AHCY: variants seen among roughly 807,000 people sequenced by gnomAD.
The protein encoded by AHCY is S-adenosyl-L-homocysteine hydrolase.
In AHCY, 24 loss-of-function variants were observed where a neutral mutation model predicts 45.4. The observed-to-expected ratio is 0.53, with a 90% CI of 0.38 to 0.74. AHCY has a LOEUF of 0.74. AHCY is among the 30% of genes least tolerant of loss of function. The pLI, the probability that AHCY is intolerant of heterozygous loss-of-function variation, is 0.00. For synonymous variants in AHCY, 245 were observed against 235.1 expected (o/e 1.04, Z -0.39); for missense variants, 449 against 594.1 (o/e 0.76, Z 2.54).
intron 8 of AHCY, among the ~76,000 whole-genome samples, chr20:34,286,944 G>A (rs182541930): frequency 6.6e-5 from 10 of 151,698 alleles, no homozygotes; most frequent in South Asian, 2.1e-4. Context: ...GAGAACTCCC[G>A]GTTTAGTGAG....
the AHCY span, among the ~76,000 whole-genome samples, chr20:34,256,580 G>A: frequency 6.6e-6 from 1 of 152,158 alleles, no homozygotes; most frequent in Non-Finnish European, 1.5e-5. Context: ...TGGGATTATA[G>A]GCGTGAGCCA....
At chr20:34,240,359 A>G in the AHCY span, among the ~76,000 whole-genome samples, 3 of 152,186 alleles carry the variant, frequency 2.0e-5, no homozygotes, top group African/African-American at 7.2e-5. Context: ...CCTGGTCCCT[A>G]GACTCTGATT....
the AHCY span, among the ~76,000 whole-genome samples, chr20:34,263,489 C>T: frequency 2.0e-5 from 3 of 151,862 alleles, no homozygotes; most frequent in Non-Finnish European, 4.4e-5. Context: ...TGCTTGTACC[C>T]GGGAGGTGGA....
At chr20:34,296,787 C>CA (rs1043957990) in intron 1 of AHCY, among the ~76,000 whole-genome samples, 1 of 152,144 alleles carries the variant, frequency 6.6e-6, no homozygotes, top group African/African-American at 2.4e-5. Flanking sequence ...GCCAAACACC[C>CA]AAAGAGGTAG....
At chr20:34,249,458 C>A in the AHCY span, among the ~76,000 whole-genome samples, 2 of 152,044 alleles carry the variant, frequency 1.3e-5, no homozygotes, top group African/African-American at 4.8e-5. Flanking sequence ...TCCCCTAATC[C>A]GCAAACTTCT....
the AHCY span, chr20:34,246,030 G>T: frequency 3.1e-6 from 3 of 967,222 alleles, no homozygotes; most frequent in South Asian, 1.3e-5. Flanking sequence ...CATGAATTAT[G>T]TCATCTGTAA....
At chr20:34,268,478 T>G in the AHCY span, among the ~76,000 whole-genome samples, 1 of 152,016 alleles carries the variant, frequency 6.6e-6, no homozygotes, top group Non-Finnish European at 1.5e-5. Context: ...AACCCAGCAC[T>G]TTGGGAGGCC....
chr20:34,239,940 T>C, the AHCY span, among the ~76,000 whole-genome samples: 1 of 152,292 alleles, frequency 6.6e-6, no homozygotes, highest in East Asian at 1.9e-4. Context: ...ATTGTGACTG[T>C]TGAAGTCAAA....
At chr20:34,233,657 A>G in the AHCY span, among the ~76,000 whole-genome samples, 1 of 152,180 alleles carries the variant, frequency 6.6e-6, no homozygotes, top group Non-Finnish European at 1.5e-5. Flanking sequence ...AAGATAATGA[A>G]TTGGCTACCA....
At chr20:34,305,159 CAAAA>C (rs528737503), upstream of AHCY, among the ~76,000 whole-genome samples, 2 of 109,390 alleles carry the variant, frequency 1.8e-5, no homozygotes, top group African/African-American at 6.5e-5. Flanking sequence ...ACTAAAAATA[CAAAA>C]AAAAAAAAAA....
chr20:34,252,763 TG>T, the AHCY span, among the ~76,000 whole-genome samples: 1 of 152,084 alleles, frequency 6.6e-6, no homozygotes, highest in South Asian at 2.1e-4. Context: ...GCTGTCTCAG[TG>T]GGGGGAAACC....
At chr20:34,264,821 GGT>G in the AHCY span, among the ~76,000 whole-genome samples, 1 of 142,546 alleles carries the variant, frequency 7.0e-6, no homozygotes, top group Non-Finnish European at 1.5e-5. Context: ...TTAGAAATGG[GGT>G]GTCACTCTGT....
the AHCY span, among the ~76,000 whole-genome samples, chr20:34,238,562 G>C: frequency 1.3e-5 from 2 of 151,736 alleles, no homozygotes; most frequent in East Asian, 3.9e-4. Flanking sequence ...GCTTGTACTT[G>C]TTTTTTTCAC....
intron 1 of AHCY, among the ~76,000 whole-genome samples, chr20:34,309,085 A>G (rs2036923090): frequency 6.7e-6 from 1 of 148,442 alleles, no homozygotes; most frequent in Admixed American, 6.8e-5. Flanking sequence ...TCAGTCTCCC[A>G]AATAAGTGGG....
the AHCY span, among the ~76,000 whole-genome samples, chr20:34,266,812 C>A: frequency 6.6e-6 from 1 of 152,230 alleles, no homozygotes; most frequent in African/African-American, 2.4e-5. Context: ...AATTCAGGAT[C>A]ATTTAACATT....
chr20:34,241,340 G>A, the AHCY span: 1 of 559,782 alleles, frequency 1.8e-6, no homozygotes, highest in Non-Finnish European at 2.3e-6. Context: ...TCCTGCCTGT[G>A]AGATGTGGTG....
chr20:34,261,848 C>T, the AHCY span, among the ~76,000 whole-genome samples: 6 of 152,062 alleles, frequency 3.9e-5, no homozygotes, highest in Non-Finnish European at 7.4e-5. Context: ...CGCGGTGGCT[C>T]ACACCTCTAA....
chr20:34,298,606 G>T lies in AHCY; in HGVS notation c.29-3021C>A, dbSNP rs111753208. Among the ~76,000 whole-genome samples, 6 of 109,680 alleles carry T rather than the reference G, an allele frequency of 5.5e-5. 1 individual carries two copies. Among genetic ancestry groups the T allele is most frequent in the African/African-American group, 7.7e-5 (2 of 25,856 alleles). The allele number at this position is 109,680 out of a possible 152,430, so 72.0% of individuals were successfully genotyped here. ...TAGCAGACTGGGAAGTGGCGGCGGCGGGAGGGGGGGGGGTGTCTCCCTTTC... is the reference window on the plus strand; with the variant it reads ...TAGCAGACTGGGAAGTGGCGGCGGCTGGAGGGGGGGGGGTGTCTCCCTTTC... On this transcript the variant is annotated intron_variant, in intron 1 of 9. Coordinates refer to ENST00000217426, the MANE Select transcript of AHCY (RefSeq NM_000687.4).
intron 9 of AHCY, among the ~76,000 whole-genome samples, chr20:34,283,458 T>C (rs1472734872): frequency 6.6e-6 from 1 of 152,194 alleles, no homozygotes; most frequent in African/African-American, 2.4e-5. Context: ...CCAAGGTACC[T>C]AGTCCCTTGC....
Sources: allele counts gnomAD v4.1 joint callset (sites outside exome capture counted in the v4.1 genomes callset), GRCh38; gene constraint gnomAD v4.1.1; transcripts MANE v1.5; gene names NCBI Gene and HGNC (gene_info 2026-07-23, HGNC 2026-07-21).